Variants in ABCA13 observed in about 807,000 individuals in gnomAD.
ABCA13 encodes ATP-binding cassette sub-family A member 13.
Under a neutral mutation model 478.7 loss-of-function variants are expected in ABCA13, and 476 were observed. The ratio of observed to expected loss-of-function variants is 0.99; its 90% CI spans 0.92 to 1.07. ABCA13 has a LOEUF of 1.07. Among genes scored for constraint, ABCA13 ranks in the 50% least tolerant of loss-of-function variants. ABCA13 has a pLI of 0.00. For missense variants in ABCA13, 6,060 were observed against 5,910.6 expected (o/e 1.03, Z -0.83); for synonymous variants, 2,252 against 2,158.9 (o/e 1.04, Z -1.20).
rs781106254 is a variant in ABCA13, at chr7:48,286,115, CA to C, written c.8837-1844del. 6.3e-4 allele frequency among the ~76,000 whole-genome samples: 96 copies of C among 152,282 alleles called. 1 individual carries two copies. Among genetic ancestry groups the C allele is most frequent in the Admixed American group, 3.7e-3 (56 of 15,298 alleles). ...GGGATTTCCCATATACTCCCTTCCC[CA>C]CCATAGCCTCCCTCATTATCAGAGT... On this transcript the variant is annotated intron_variant, in intron 19 of 61. Coordinates refer to ENST00000435803, the MANE Select transcript of ABCA13 (RefSeq NM_152701.5).
intron 29 of ABCA13, among the ~76,000 whole-genome samples, chr7:48,348,612 A>G (rs1030392963): frequency 6.6e-6 from 1 of 152,178 alleles, no homozygotes; most frequent in South Asian, 2.1e-4. Context: ...GAGGATTTCT[A>G]TGAGATGTGT....
intron 3 of ABCA13, 116 bp downstream of exon 3, chr7:48,198,476 T>C (rs530265554): frequency 2.9e-5 from 35 of 1,200,214 alleles, no homozygotes; most frequent in Non-Finnish European, 3.2e-5. Context: ...ATGAGAAGTA[T>C]AGAAATTAAA....
intron 23 of ABCA13, 96 bp downstream of exon 23, chr7:48,298,583 C>A (rs1799725857): frequency 7.0e-7 from 1 of 1,427,832 alleles, no homozygotes; most frequent in African/African-American, 1.4e-5. Context: ...TTCTTGCCTT[C>A]CTCTCCTTTG....
At chr7:48,252,740 T>C (rs1792763539) in intron 15 of ABCA13, among the ~76,000 whole-genome samples, 1 of 152,226 alleles carries the variant, frequency 6.6e-6, no homozygotes, top group Admixed American at 6.5e-5. Flanking sequence ...TTTGAGTTCA[T>C]TGGCCATATT....
At chr7:48,171,977 C>G (rs563760230) in intron 1 of ABCA13, among the ~76,000 whole-genome samples, 1 of 151,782 alleles carries the variant, frequency 6.6e-6, no homozygotes, top group East Asian at 1.9e-4. Context: ...GTGTGCCTCA[C>G]CAGAGCAGGG....
intron 23 of ABCA13, among the ~76,000 whole-genome samples, chr7:48,300,398 T>A (rs184705054): frequency 6.6e-6 from 1 of 152,344 alleles, no homozygotes; most frequent in East Asian, 1.9e-4. Flanking sequence ...AGGGAGCCAA[T>A]GTTCTGTGGG....
chr7:48,182,258 T>G lies in ABCA13; in HGVS notation c.70-10701T>G, dbSNP rs148202355. Among the ~76,000 whole-genome samples the G allele has an allele frequency of 9.2e-5, 14 of 152,342 alleles. No homozygotes were observed. In the East Asian group the frequency reaches 2.3e-3, roughly 25 times the overall value. On this transcript the variant is annotated intron_variant, in intron 1 of 61. Coordinates refer to ENST00000435803, the MANE Select transcript of ABCA13 (RefSeq NM_152701.5). ...AATGCTCTATCGATACCCTAACGAT[T>G]GGTGCTTAATTTCTAATTTTTTTGC...
At chr7:48,471,751 C>T (rs1827527114) in intron 45 of ABCA13, among the ~76,000 whole-genome samples, 152 bp downstream of exon 45, 1 of 152,282 alleles carries the variant, frequency 6.6e-6, no homozygotes, top group African/African-American at 2.4e-5. Context: ...AGTTTTGTCA[C>T]ATAAAGTGAA....
At chr7:48,606,145 A>T (rs751689305) in intron 58 of ABCA13, among the ~76,000 whole-genome samples, 23 of 152,148 alleles carry the variant, frequency 1.5e-4, no homozygotes, top group Admixed American at 8.5e-4. Context: ...GCTTCCTTGC[A>T]TTGGGTTAGA....
chr7:48,314,375 T>C lies in ABCA13; in HGVS notation c.9825T>C (p.Asp3275=), dbSNP rs1257414205. 3.1e-6 allele frequency: 5 copies of C among 1,603,220 alleles called. No individual in the cohort carries two copies. The highest frequency in any genetic ancestry group is 1.3e-5 in the African/African-American group (1 of 74,736). ...CCAGAGTTAAGGAACTCTTGGAAGA[T>C]GACAAAGAAAAATTCAACATTCCTG... The part of the protein sequence containing the change: ...NLPRVKELLE[D]DKEKFNIPED... Residue 3275 remains aspartate (D), a synonymous_variant, in exon 26 of 62, where the codon GAT becomes GAC. Transcript: ENST00000435803.
chr7:48,578,904 C>G (rs1187618842), intron 55 of ABCA13, among the ~76,000 whole-genome samples: 1 of 152,184 alleles, frequency 6.6e-6, no homozygotes, highest in Non-Finnish European at 1.5e-5. Context: ...ATCTTTGCAA[C>G]AAATGGTGCC....
At chr7:48,270,772 A>G (rs780629291) in intron 16 of ABCA13, among the ~76,000 whole-genome samples, 7 of 152,204 alleles carry the variant, frequency 4.6e-5, no homozygotes, top group Non-Finnish European at 1.0e-4. Flanking sequence ...GTGTTATACA[A>G]CAAGAGCAGA....
chr7:48,208,283 T>C (rs79564086), intron 3 of ABCA13, among the ~76,000 whole-genome samples: 3,306 of 152,218 alleles, frequency 0.022, 59 homozygotes, highest in Non-Finnish European at 0.036. Flanking sequence ...TAGGTCTTTG[T>C]AGCTGCATAT....
chr7:48,374,554 A>T, intron 34 of ABCA13, 138 bp downstream of exon 34: 1 of 719,996 alleles, frequency 1.4e-6, no homozygotes, highest in Admixed American at 3.0e-5. Context: ...ATTTGCTTTC[A>T]CTGTTGTATA....
chr7:48,208,658 T>C (rs151324519), intron 3 of ABCA13, among the ~76,000 whole-genome samples: 1 of 152,304 alleles, frequency 6.6e-6, no homozygotes, highest in Non-Finnish European at 1.5e-5. Context: ...GTTAATTTTG[T>C]ATCCTGCAAC....
At chr7:48,435,819 CT>C (rs966950407) in intron 42 of ABCA13, among the ~76,000 whole-genome samples, 10 of 151,058 alleles carry the variant, frequency 6.6e-5, no homozygotes, top group South Asian at 2.1e-4. Flanking sequence ...ATTAACTTGA[CT>C]TTTTTTTGTA....
At chr7:48,413,428 C>T (rs1455981424) in intron 41 of ABCA13, among the ~76,000 whole-genome samples, 3 of 152,142 alleles carry the variant, frequency 2.0e-5, no homozygotes, top group Non-Finnish European at 2.9e-5. Context: ...CAGAAATAGG[C>T]GTTTCCTCCA....
intron 31 of ABCA13, among the ~76,000 whole-genome samples, chr7:48,366,411 C>T (rs1405013889): frequency 6.6e-6 from 1 of 152,024 alleles, no homozygotes; most frequent in African/African-American, 2.4e-5. Context: ...CTTTTTTACT[C>T]ATAGCATTTA....
Position 48,244,588 on chromosome 7 carries a change from G to A in ABCA13, c.1275G>A (p.Leu425=), listed in dbSNP as rs749473817. 1 of 1,613,188 alleles carries A rather than the reference G, an allele frequency of 6.2e-7. No homozygotes were observed. Among genetic ancestry groups the A allele is most frequent in the South Asian group, 1.1e-5 (1 of 91,050 alleles). Residue 425 remains leucine (L), a synonymous_variant, in exon 11 of 62, where the codon CTG becomes CTA. Transcript: ENST00000435803. The stretch of plus-strand genomic sequence containing the variant: ...TTTTTGCCCTCAGATTACAGCATCT[G>A]TGGAAATTGCAAAGCTTGCTGCAAA... The part of the protein sequence containing the change: ...NHTFPKILQH[L]WKLQSLLQNL...
Sources: allele counts gnomAD v4.1 joint callset (sites outside exome capture counted in the v4.1 genomes callset), GRCh38; gene constraint gnomAD v4.1.1; transcripts MANE v1.5; gene names NCBI Gene and HGNC (gene_info 2026-07-23, HGNC 2026-07-21).